OR7C1: variants seen among roughly 807,000 people sequenced by gnomAD.
The protein encoded by OR7C1 is olfactory receptor family 7 subfamily C member 1, also known as olfactory receptor 7C1.
For synonymous variants in OR7C1, 152 were observed against 160.7 expected (o/e 0.95, Z 0.41); for missense variants, 324 against 383.3 (o/e 0.85, Z 1.29).
chr19:14,822,542 G>A (rs934804548), intron 1 of OR7C1, among the ~76,000 whole-genome samples: 3 of 151,648 alleles, frequency 2.0e-5, no homozygotes, highest in Admixed American at 2.0e-4. Flanking sequence ...CCGCCACTGC[G>A]CCGGCTAATT....
exon 5 of OR7C1, chr19:14,799,870 G>A: frequency 1.2e-6 from 2 of 1,614,158 alleles, no homozygotes. Flanking sequence ...TTATGAATTT[G>A]TTCTGTGTCA....
At chr19:14,829,045 TTTTG>T (rs970435474) in intron 1 of OR7C1, among the ~76,000 whole-genome samples, 4 of 152,110 alleles carry the variant, frequency 2.6e-5, no homozygotes, top group Non-Finnish European at 4.4e-5. Flanking sequence ...TTCTTTTGTT[TTTTG>T]TTTGTTTGTT....
chr19:14,815,447 C>G (rs1008480256), intron 1 of OR7C1, among the ~76,000 whole-genome samples: 1 of 152,180 alleles, frequency 6.6e-6, no homozygotes, highest in Non-Finnish European at 1.5e-5. Flanking sequence ...CTAGCCAACC[C>G]ATTGAGCATA....
intron 1 of OR7C1, among the ~76,000 whole-genome samples, chr19:14,831,681 G>A (rs999926993): frequency 2.0e-5 from 3 of 152,062 alleles, no homozygotes; most frequent in Non-Finnish European, 4.4e-5. Flanking sequence ...CTGACCTCGT[G>A]ATCCGCCTGC....
chr19:14,804,245 G>A (rs1302714675), intron 2 of OR7C1, among the ~76,000 whole-genome samples: 1 of 152,146 alleles, frequency 6.6e-6, no homozygotes, highest in Non-Finnish European at 1.5e-5. Context: ...TGCAAAGGTT[G>A]GGAGATTTTG....
chr19:14,831,572 G>A (rs966672826), intron 1 of OR7C1, among the ~76,000 whole-genome samples: 7 of 152,010 alleles, frequency 4.6e-5, no homozygotes, highest in African/African-American at 1.7e-4. Context: ...AGCCTCCTGA[G>A]TAGCTGGCAT....
chr19:14,818,155 C>G (rs373792173), intron 1 of OR7C1, among the ~76,000 whole-genome samples: 1 of 151,648 alleles, frequency 6.6e-6, no homozygotes, highest in Admixed American at 6.6e-5. Flanking sequence ...AGTAGTGGCA[C>G]GATCTCGGCT....
chr19:14,812,663 C>T (rs1258741979), intron 1 of OR7C1, among the ~76,000 whole-genome samples: 1 of 151,888 alleles, frequency 6.6e-6, no homozygotes, highest in African/African-American at 2.4e-5. Flanking sequence ...TAAAGCCACT[C>T]CCTTCACTAT....
intron 1 of OR7C1, among the ~76,000 whole-genome samples, chr19:14,823,382 G>A (rs1315443257): frequency 6.6e-6 from 1 of 152,214 alleles, no homozygotes. Flanking sequence ...AACTTGGGAG[G>A]TGGAGGTTGT....
chr19:14,815,096 G>T (rs1476131648), intron 1 of OR7C1, among the ~76,000 whole-genome samples: 1 of 152,132 alleles, frequency 6.6e-6, no homozygotes, highest in African/African-American at 2.4e-5. Context: ...AAAACAATTT[G>T]CAGCTCCACC....
intron 1 of OR7C1, among the ~76,000 whole-genome samples, chr19:14,820,448 T>C (rs1435997058): frequency 2.6e-5 from 4 of 151,874 alleles, no homozygotes; most frequent in Admixed American, 6.6e-5. Flanking sequence ...ACCTAATGCA[T>C]GAGGGGCTTA....
intron 1 of OR7C1, chr19:14,827,090 G>GA (rs974726896): frequency 1.0e-5 from 5 of 480,784 alleles, no homozygotes; most frequent in Non-Finnish European, 1.4e-5. Context: ...ACAACAAAGA[G>GA]AAAAAACTGT....
At chr19:14,816,765 C>T (rs1250518696) in intron 1 of OR7C1, among the ~76,000 whole-genome samples, 2 of 152,034 alleles carry the variant, frequency 1.3e-5, no homozygotes, top group Admixed American at 6.5e-5. Context: ...TAGTTCTGTC[C>T]CTCTAGAGAA....
At chr19:14,807,388 C>G (rs1244239839) in intron 2 of OR7C1, among the ~76,000 whole-genome samples, 1 of 151,916 alleles carries the variant, frequency 6.6e-6, no homozygotes, top group African/African-American at 2.4e-5. Context: ...ATTTTCCACT[C>G]TCTATTGCAA....
At chr19:14,818,066 A>ATTTATTTATTTAT (rs2044724173) in intron 1 of OR7C1, among the ~76,000 whole-genome samples, 1 of 97,946 alleles carries the variant, frequency 1.0e-5, no homozygotes, top group African/African-American at 4.2e-5. Flanking sequence ...TATTTATTTT[A>ATTTATTTATTTAT]TTTATTTATT....
At chr19:14,820,842 A>G (rs894838626) in intron 1 of OR7C1, among the ~76,000 whole-genome samples, 1 of 152,158 alleles carries the variant, frequency 6.6e-6, no homozygotes, top group African/African-American at 2.4e-5. Context: ...TGGACTAGAG[A>G]GTGCCCACTG....
chr19:14,830,830 C>G (rs1051876342), intron 1 of OR7C1, among the ~76,000 whole-genome samples: 2 of 152,122 alleles, frequency 1.3e-5, no homozygotes, highest in Non-Finnish European at 2.9e-5. Flanking sequence ...GTCCAGGACA[C>G]ACAACCCTCG....
intron 2 of OR7C1, among the ~76,000 whole-genome samples, chr19:14,802,199 G>A (rs74925314): frequency 0.021 from 3,138 of 152,330 alleles, 74 homozygotes; most frequent in East Asian, 0.071. Flanking sequence ...TGAAGATAGC[G>A]GAAATGTATG....
Position 14,800,245 on chromosome 19 carries a change from C to T in OR7C1, c.-14+11G>A, listed in dbSNP as rs571688519. The stretch of plus-strand genomic sequence containing the variant: ...AATTTTAAGTGAAGGAATCAATTAA[C>T]AAAAGATTGCCTTTTTCTTGCTGTC... On this transcript the variant is annotated intron_variant, in intron 4 of 4. Transcript: ENST00000641666. 1.0e-5 allele frequency: 13 copies of T among 1,250,500 alleles called. No individual in the cohort carries two copies. The South Asian group carries it at 1.7e-4, about 16-fold the overall frequency. 77.5% of individuals were successfully genotyped at this position (1,250,500 alleles called of 1,614,324 possible).
Sources: gnomAD v4.1 joint callset for allele counts (sites outside exome capture counted in the v4.1 genomes callset) on GRCh38, gnomAD v4.1.1 for gene constraint, MANE v1.5 for transcripts, NCBI Gene and HGNC (gene_info 2026-07-23, HGNC 2026-07-21) for gene names.